Variants in SLC12A1 observed in about 807,000 individuals in gnomAD.
The protein encoded by SLC12A1 is Na-K-2Cl cotransporter.
In SLC12A1, 89 loss-of-function variants were observed where a neutral mutation model predicts 130.4. The observed-to-expected ratio is 0.68, with a 90% confidence interval of 0.58 to 0.81. SLC12A1 has a LOEUF of 0.81. SLC12A1 is among the 40% of genes least tolerant of loss of function. The probability of loss-of-function intolerance (pLI) is 0.00; values close to 1 mark genes in which losing one functional copy is unlikely to be tolerated. For missense variants in SLC12A1, 1,310 were observed against 1,336.4 expected, an observed-to-expected ratio of 0.98 and a Z score of 0.31; for synonymous variants, 499 against 460.0, an observed-to-expected ratio of 1.08 and a Z score of -1.09.
intron 19 of SLC12A1, among the ~76,000 whole-genome samples, chr15:48,270,259 G>A (rs1316999962): frequency 1.3e-5 from 2 of 152,174 alleles, no homozygotes; most frequent in Non-Finnish European, 2.9e-5. Flanking sequence ...CAGAATGTGA[G>A]TTTCCGGTGG....
intron 24 of SLC12A1, among the ~76,000 whole-genome samples, chr15:48,295,614 T>C (rs1410664037): frequency 5.3e-5 from 8 of 152,244 alleles, no homozygotes; most frequent in African/African-American, 1.9e-4. Flanking sequence ...TAAAGAGAAT[T>C]AATTTTTTTG....
At chr15:48,264,609 G>C (rs868033209) in intron 17 of SLC12A1, among the ~76,000 whole-genome samples, 1 of 152,030 alleles carries the variant, frequency 6.6e-6, no homozygotes, top group Non-Finnish European at 1.5e-5. Context: ...AATGACCTAT[G>C]AATGGGCACT....
At position 48,241,094 on chromosome 15, in the gene SLC12A1, T is replaced by A. The variant is rs142185804; in HGVS notation, c.1216-421T>A. Among the ~76,000 whole-genome samples the A allele has an allele frequency of 7.2e-5, 11 of 152,264 alleles. No homozygotes were observed. The East Asian group carries it at 1.9e-3, about 27-fold the overall frequency. ...AAAGTGATTTTTTTAAAGGCAAGCT[T>A]AAGCTCAGTATAAAAAAAATACACC... On this transcript the variant is annotated intron_variant, in intron 9 of 26. Transcript: ENST00000380993.
At chr15:48,292,009 T>C in intron 24 of SLC12A1, 145 bp downstream of exon 24, 1 of 607,368 alleles carries the variant, frequency 1.6e-6, no homozygotes, top group South Asian at 2.2e-5. Flanking sequence ...CAAATAAGCA[T>C]GACATGGAAC....
In SLC12A1 at chr15:48,269,686, A is replaced by T; in HGVS notation, c.2324A>T (p.Asn775Ile). The stretch of plus-strand genomic sequence containing the variant: ...TCAGGCTTAGGAAGAATGAAACCAA[A>T]CACTCTGGTGATTGGATATAAGAAA... ...QASGLGRMKP[N>I]TLVIGYKKNW... The change falls in exon 19 of 27, where the codon AAC (asparagine) becomes ATC (isoleucine). Residue 775 changes from asparagine to isoleucine, a missense_variant. Transcript: ENST00000380993. The T allele has an allele frequency of 6.2e-7, 1 of 1,611,296 alleles. No individual in the cohort carries two copies. The highest frequency in any genetic ancestry group is 8.5e-7 in the Non-Finnish European group (1 of 1,177,860).
At chr15:48,267,504 A>G in intron 17 of SLC12A1, 57 bp from the exon 18 acceptor site, 1 of 1,589,198 alleles carries the variant, frequency 6.3e-7, no homozygotes, top group Non-Finnish European at 8.6e-7. Context: ...TTAGAAAACA[A>G]CAGCAATGTG....
rs2042078431 is a variant in SLC12A1, at chr15:48,288,082, A to G, written c.2669A>G (p.Glu890Gly). 2 of 1,611,084 alleles carry G rather than the reference A, an allele frequency of 1.2e-6. No homozygotes were observed. Among genetic ancestry groups the G allele is most frequent in the South Asian group, 2.2e-5 (2 of 90,338 alleles). The change falls in exon 22 of 27, where the codon GAG (glutamate) becomes GGG (glycine). Residue 890 changes from glutamate (E) to glycine (G), a missense_variant. Glu to Gly is a moderately conservative substitution (Grantham distance 98). Transcript: ENST00000380993. ...ACAAGCCAGTCGATGCATGTGGGAG[A>G]GTTCAACCAGAAACTGGTGGAAGCC... ...INTSQSMHVG[E>G]FNQKLVEAST...
At chr15:48,279,808 T>C (rs1225336541) in intron 20 of SLC12A1, among the ~76,000 whole-genome samples, 1 of 152,214 alleles carries the variant, frequency 6.6e-6, no homozygotes, top group Non-Finnish European at 1.5e-5. Context: ...ACGGGGATAC[T>C]GCTGTGTCTG....
chr15:48,231,888 G>A (rs186891821), intron 7 of SLC12A1, among the ~76,000 whole-genome samples: 20 of 152,250 alleles, frequency 1.3e-4, no homozygotes, highest in South Asian at 8.3e-4. Flanking sequence ...GCGTATGCCT[G>A]TAATCCCAGC....
At position 48,295,315 on chromosome 15, in the gene SLC12A1, T is replaced by G. The variant is rs562469670; in HGVS notation, c.2960+3451T>G. Among the ~76,000 whole-genome samples, 15 of 152,276 alleles carry G rather than the reference T, an allele frequency of 9.9e-5. No individual in the cohort carries two copies. In the South Asian group the frequency reaches 2.9e-3, roughly 29 times the overall value. ...ATTTGTCCCTATATTTCTTTGTCTC[T>G]TTACTTGTCAATCTGGTTTTCTCAA... is the stretch of plus-strand genomic sequence containing the variant. On this transcript the variant is annotated intron_variant, in intron 24 of 26. Transcript: ENST00000380993.
chr15:48,213,919 T>C (rs1041665659), intron 2 of SLC12A1, among the ~76,000 whole-genome samples: 4 of 152,208 alleles, frequency 2.6e-5, no homozygotes, highest in Non-Finnish European at 5.9e-5. Context: ...AATCAATGTA[T>C]TAAAATATAC....
intron 20 of SLC12A1, among the ~76,000 whole-genome samples, chr15:48,278,378 G>T (rs1431029207): frequency 3.3e-5 from 5 of 152,216 alleles, no homozygotes; most frequent in Non-Finnish European, 7.4e-5. Flanking sequence ...TGGTAAAATG[G>T]GGGCTTACCC....
At chr15:48,269,519 G>C (rs989065301) in intron 18 of SLC12A1, 139 bp from the exon 19 acceptor site, 4 of 497,842 alleles carry the variant, frequency 8.0e-6, no homozygotes, top group Non-Finnish European at 1.5e-5. Flanking sequence ...CGGGCATGAA[G>C]GACATGCACT....
At chr15:48,302,626 CAAAAAA>C (rs35095948) in intron 26 of SLC12A1, 118 bp from the exon 27 acceptor site, 21 of 142,130 alleles carry the variant, frequency 1.5e-4, no homozygotes, top group East Asian at 6.1e-4. Flanking sequence ...GACTCCGTCT[CAAAAAA>C]AAAAAAAAAA....
chr15:48,235,333 TTC>T, intron 9 of SLC12A1: 1 of 285,712 alleles, frequency 3.5e-6, no homozygotes, highest in Non-Finnish European at 6.6e-6. Flanking sequence ...TAGGAATATT[TTC>T]CTGTAAAAGT....
In SLC12A1 at chr15:48,273,100, CAAA is replaced by C. The variant is rs58343718; in HGVS notation, c.2403-1453_2403-1451del. On this transcript the variant is annotated intron_variant, in intron 19 of 26. Transcript: ENST00000380993. ...AGCCTGGGTGGCAGAGTCAGACTGT[CAAA>C]AAAAAAAAAAAAAAAAACCTACACT... 8.5e-3 allele frequency among the ~76,000 whole-genome samples: 694 copies of C among 81,988 alleles called. 7 individuals carry two copies. The Middle Eastern group carries it at 0.091, about 11-fold the overall frequency. The allele number at this position is 81,988 out of a possible 152,430, so 53.8% of individuals were successfully genotyped here.
chr15:48,211,569 C>T (rs1365340634), intron 2 of SLC12A1, among the ~76,000 whole-genome samples: 1 of 152,152 alleles, frequency 6.6e-6, no homozygotes, highest in East Asian at 1.9e-4. Flanking sequence ...TTACTTAAAT[C>T]ATTTAAAAGT....
chr15:48,207,687 G>A lies in SLC12A1; in HGVS notation c.-33G>A. 1 of 1,503,234 alleles carries A rather than the reference G, an allele frequency of 6.7e-7. No individual in the cohort carries two copies. The highest frequency in any genetic ancestry group is 1.4e-5 in the South Asian group (1 of 71,104). 93.1% of individuals were successfully genotyped at this position (1,503,234 alleles called of 1,614,324 possible). On this transcript the variant is annotated 5_prime_UTR_variant, in exon 2 of 27. Transcript: ENST00000380993. Reference sequence around the variant, plus strand: ...ATAGATTTTTTAAAACAACCACAAAGTAGATAGCTCAGTAAAAAATCAATT... The same window carrying A: ...ATAGATTTTTTAAAACAACCACAAAATAGATAGCTCAGTAAAAAATCAATT...
chr15:48,262,239 AG>A (rs1382294536), intron 17 of SLC12A1, among the ~76,000 whole-genome samples: 1 of 152,174 alleles, frequency 6.6e-6, no homozygotes, highest in Non-Finnish European at 1.5e-5. Flanking sequence ...ACAAGACAGC[AG>A]GCTCTGGGCT....
Sources: gnomAD v4.1 joint callset for allele counts (sites outside exome capture counted in the v4.1 genomes callset) on GRCh38, gnomAD v4.1.1 for gene constraint, MANE v1.5 for transcripts, NCBI Gene and HGNC (gene_info 2026-07-23, HGNC 2026-07-21) for gene names.